The following CIRSR variants were observed in gnomAD, a reference collection of about 807,000 sequenced individuals.
The protein encoded by CIRSR is CBF1 (RBPJ) interacting corepressor 1.
At chr2:174,370,460 T>C in the CIRSR span, among the ~76,000 whole-genome samples, 3 of 152,224 alleles carry the variant, frequency 2.0e-5, no homozygotes, top group Admixed American at 6.5e-5. Flanking sequence ...AATTACTTAA[T>C]AGATAGAATT....
At chr2:174,376,901 G>C in the CIRSR span, among the ~76,000 whole-genome samples, 1 of 150,778 alleles carries the variant, frequency 6.6e-6, no homozygotes, top group East Asian at 1.9e-4. Flanking sequence ...ATGTTTTTTT[G>C]AGGTTTTAGT....
the CIRSR span, chr2:174,387,803 A>G: frequency 7.7e-4 from 1,182 of 1,539,464 alleles, 7 homozygotes; most frequent in African/African-American, 0.015. Flanking sequence ...GTAAAAATGC[A>G]AATTAAATTG....
chr2:174,355,442 A>G, the CIRSR span, among the ~76,000 whole-genome samples: 1 of 152,212 alleles, frequency 6.6e-6, no homozygotes, highest in South Asian at 2.1e-4. Context: ...CCAAGCCTTC[A>G]CAGCATTGAA....
chr2:174,373,909 A>G, the CIRSR span, among the ~76,000 whole-genome samples: 1 of 151,972 alleles, frequency 6.6e-6, no homozygotes, highest in Non-Finnish European at 1.5e-5. Context: ...ACACTCTTCC[A>G]TGGCATTAAT....
At chr2:174,387,477 G>T in the CIRSR span, 1 of 460,778 alleles carries the variant, frequency 2.2e-6, no homozygotes, top group Admixed American at 4.6e-5. Context: ...TGAGTCACGT[G>T]AATCTATATT....
At chr2:174,365,217 A>T in the CIRSR span, among the ~76,000 whole-genome samples, 1 of 152,194 alleles carries the variant, frequency 6.6e-6, no homozygotes, top group Admixed American at 6.5e-5. Context: ...GCTAAAACAC[A>T]AGAGTCACCT....
At chr2:174,376,412 T>C in the CIRSR span, among the ~76,000 whole-genome samples, 1 of 152,210 alleles carries the variant, frequency 6.6e-6, no homozygotes, top group Non-Finnish European at 1.5e-5. Flanking sequence ...TAAGGAATAG[T>C]ACCACAGTAA....
the CIRSR span, among the ~76,000 whole-genome samples, chr2:174,375,184 T>C: frequency 6.6e-6 from 1 of 152,206 alleles, no homozygotes; most frequent in Non-Finnish European, 1.5e-5. Flanking sequence ...CCTTATCACT[T>C]TTTTAAATAA....
the CIRSR span, among the ~76,000 whole-genome samples, chr2:174,358,963 G>A: frequency 0.052 from 7,844 of 152,208 alleles, 640 homozygotes; most frequent in African/African-American, 0.17. Context: ...CAAAGTGCTG[G>A]GATTACAGGC....
At chr2:174,395,536 G>C in the CIRSR span, 1 of 1,613,426 alleles carries the variant, frequency 6.2e-7, no homozygotes, top group Non-Finnish European at 8.5e-7. Flanking sequence ...TCCCTCCCCG[G>C]GTCTGTTTAC....
chr2:174,393,026 G>A, the CIRSR span, among the ~76,000 whole-genome samples: 17 of 152,156 alleles, frequency 1.1e-4, no homozygotes, highest in African/African-American at 3.4e-4. Context: ...TATATTTTAG[G>A]AGCAGGCTAA....
At chr2:174,370,077 C>T in the CIRSR span, 1 of 1,342,898 alleles carries the variant, frequency 7.4e-7, no homozygotes, top group Admixed American at 2.1e-5. Flanking sequence ...AGTTTCAGGG[C>T]TGGTTCATCC....
the CIRSR span, among the ~76,000 whole-genome samples, chr2:174,350,122 G>A: frequency 1.3e-5 from 2 of 151,972 alleles, no homozygotes; most frequent in African/African-American, 4.8e-5. Context: ...GTATGTTTGA[G>A]TTACTCTGAA....
At chr2:174,348,436 A>C in the CIRSR span, 2 of 1,528,480 alleles carry the variant, frequency 1.3e-6, no homozygotes, top group South Asian at 1.3e-5. Flanking sequence ...TCAATAAAAA[A>C]GTGGAGATAT....
At chr2:174,362,686 C>CA in the CIRSR span, among the ~76,000 whole-genome samples, 4,938 of 20,386 alleles carry the variant, frequency 0.24, 1,244 homozygotes, top group African/African-American at 0.44. Flanking sequence ...GACTCTGCCT[C>CA]AAAAAAAAAA....
the CIRSR span, among the ~76,000 whole-genome samples, chr2:174,362,922 C>G: frequency 6.6e-6 from 1 of 152,010 alleles, no homozygotes; most frequent in Non-Finnish European, 1.5e-5. Context: ...GAGGCCCAAC[C>G]ATAGTAGAGC....
At chr2:174,349,332 C>T in the CIRSR span, among the ~76,000 whole-genome samples, 1 of 151,826 alleles carries the variant, frequency 6.6e-6, no homozygotes, top group African/African-American at 2.4e-5. Context: ...TTTGGGAGGC[C>T]ACGGCGGGCG....
the CIRSR span, among the ~76,000 whole-genome samples, chr2:174,385,289 T>A: frequency 6.2e-4 from 94 of 150,790 alleles, 1 homozygote; most frequent in African/African-American, 2.1e-3. Flanking sequence ...GTGATTGATA[T>A]AATAAACATT....
At chr2:174,389,690 G>A in the CIRSR span, among the ~76,000 whole-genome samples, 3 of 152,276 alleles carry the variant, frequency 2.0e-5, no homozygotes, top group African/African-American at 7.2e-5. Context: ...GACCTTCACA[G>A]CAGCCCCTCC....
Sources: gnomAD v4.1 joint callset for allele counts (sites outside exome capture counted in the v4.1 genomes callset) on GRCh38, gnomAD v4.1.1 for gene constraint, MANE v1.5 for transcripts, NCBI Gene and HGNC (gene_info 2026-07-23, HGNC 2026-07-21) for gene names.